Variants in ARSJ observed in about 807,000 individuals in gnomAD.
ARSJ encodes the protein arylsulfatase family member J.
A neutral mutation model predicts 35.9 loss-of-function variants in ARSJ; 26 were observed. That is an observed-to-expected ratio of 0.72 (90% CI 0.53 to 1.00). The LOEUF (loss-of-function observed/expected upper bound fraction) is 1.00, where lower values mean the gene tolerates loss of function less well. ARSJ is among the 50% of genes least tolerant of loss of function. The probability of loss-of-function intolerance (pLI) is 0.00; values close to 1 mark genes in which losing one functional copy is unlikely to be tolerated. For synonymous variants in ARSJ, 294 were observed against 267.6 expected (o/e 1.10, Z -0.96); for missense variants, 667 against 723.6 (o/e 0.92, Z 0.90).
intron 1 of ARSJ, among the ~76,000 whole-genome samples, chr4:113,944,994 A>G (rs1725385343): frequency 6.6e-6 from 1 of 152,078 alleles, no homozygotes; most frequent in Non-Finnish European, 1.5e-5. Flanking sequence ...TGACTTAAAT[A>G]AATAAAATAT....
In ARSJ at chr4:113,978,721, G is replaced by A; in HGVS notation, c.114C>T (p.Leu38=). ...CCCAGGACAGGTAACCATAAGTGAG[G>A]AGGCAGAGGATCCAGAATCCTGCCA... is the stretch of plus-strand genomic sequence containing the variant. The part of the protein sequence containing the change: ...GALAGFWILC[L]LTYGYLSWGQ... Residue 38 remains leucine, a synonymous_variant, in exon 1 of 2, where the codon CTC becomes CTT. Transcript: ENST00000315366. 1 of 1,614,212 alleles carries A rather than the reference G, an allele frequency of 6.2e-7. No homozygotes were observed.
intron 1 of ARSJ, among the ~76,000 whole-genome samples, chr4:113,974,533 A>G (rs939534481): frequency 2.0e-5 from 3 of 152,190 alleles, no homozygotes; most frequent in Admixed American, 2.0e-4. Context: ...TACTTCTTTA[A>G]AGGGGATATA....
chr4:113,950,335 C>G (rs529505381), intron 1 of ARSJ, among the ~76,000 whole-genome samples: 1 of 152,086 alleles, frequency 6.6e-6, no homozygotes, highest in Admixed American at 6.6e-5. Flanking sequence ...TCTGCTGCAA[C>G]CTCATCATTG....
intron 1 of ARSJ, among the ~76,000 whole-genome samples, chr4:113,934,288 T>G (rs1724635971): frequency 6.6e-6 from 1 of 151,764 alleles, no homozygotes; most frequent in Admixed American, 6.6e-5. Context: ...ACATCTGCAC[T>G]CCCATGTTTA....
rs75309186 is a variant in ARSJ, at chr4:113,978,265, T to C, written c.398+172A>G. Among the ~76,000 whole-genome samples the C allele has an allele frequency of 0.013, 2,045 of 152,316 alleles. 116 individuals are homozygous for C. In the East Asian group the frequency reaches 0.16, roughly 12 times the overall value. ...CTAGTGACTAGAAAATTAAGATCAT[T>C]AACATTGTATCCATTTTAACACGGT... On this transcript the variant is annotated intron_variant, in intron 1 of 1. Transcript: ENST00000315366.
chr4:113,949,874 A>G (rs1004227664), intron 1 of ARSJ, among the ~76,000 whole-genome samples: 5 of 152,108 alleles, frequency 3.3e-5, no homozygotes, highest in African/African-American at 1.2e-4. Context: ...ATGTCTTGGA[A>G]CACCCTTGAG....
chr4:113,903,716 AAG>A (rs2099667858), intron 1 of ARSJ, 41 bp from the exon 2 acceptor site: 1 of 1,538,044 alleles, frequency 6.5e-7, no homozygotes, highest in African/African-American at 1.4e-5. Flanking sequence ...GGCAGGATAA[AAG>A]AGATATTCTA....
At chr4:113,909,151 G>T (rs1440149194) in intron 1 of ARSJ, among the ~76,000 whole-genome samples, 1 of 152,024 alleles carries the variant, frequency 6.6e-6, no homozygotes, top group Non-Finnish European at 1.5e-5. Flanking sequence ...GAAAAAAAAA[G>T]AATTAGGAAT....
chr4:113,978,084 G>A (rs1343950087), intron 1 of ARSJ, among the ~76,000 whole-genome samples: 1 of 152,114 alleles, frequency 6.6e-6, no homozygotes, highest in Non-Finnish European at 1.5e-5. Context: ...GTGAATTCTA[G>A]TATGACATCT....
chr4:113,933,084 T>A (rs565436866), intron 1 of ARSJ, among the ~76,000 whole-genome samples: 1 of 151,770 alleles, frequency 6.6e-6, no homozygotes, highest in Non-Finnish European at 1.5e-5. Context: ...CAGACAACTT[T>A]ATGCCAACAA....
chr4:113,937,390 CAAAAT>C (rs950398455), intron 1 of ARSJ, among the ~76,000 whole-genome samples: 17 of 151,942 alleles, frequency 1.1e-4, no homozygotes, highest in Admixed American at 1.1e-3. Flanking sequence ...GAGCATAACT[CAAAAT>C]AATAAGAGCC....
intron 1 of ARSJ, among the ~76,000 whole-genome samples, chr4:113,905,270 A>T (rs751841233): frequency 1.3e-5 from 2 of 152,244 alleles, no homozygotes; most frequent in Non-Finnish European, 2.9e-5. Flanking sequence ...ATATGTAAAT[A>T]ATCTTGGAAT....
At chr4:113,953,574 G>A (rs1725991145) in intron 1 of ARSJ, among the ~76,000 whole-genome samples, 1 of 151,944 alleles carries the variant, frequency 6.6e-6, no homozygotes, top group African/African-American at 2.4e-5. Flanking sequence ...TTTCCAATAG[G>A]ATTTGAATTT....
chr4:113,939,328 G>C (rs1191893279), intron 1 of ARSJ, among the ~76,000 whole-genome samples: 2 of 148,168 alleles, frequency 1.3e-5, no homozygotes, highest in Non-Finnish European at 3.0e-5. Context: ...CATTTGGCTT[G>C]GTTCCAAGTC....
At position 113,964,472 on chromosome 4, in the gene ARSJ, T is replaced by A. The variant is rs114500428; in HGVS notation, c.398+13965A>T. ...CCTAAAATAAGAATATATAAACTTATTTTATGAGAGAACAGACATGCATTA... is the reference window on the plus strand; with the variant it reads ...CCTAAAATAAGAATATATAAACTTAATTTATGAGAGAACAGACATGCATTA... On this transcript the variant is annotated intron_variant, in intron 1 of 1. Coordinates refer to ENST00000315366, the MANE Select transcript of ARSJ (RefSeq NM_024590.4). 7.9e-3 allele frequency among the ~76,000 whole-genome samples: 1,204 copies of A among 152,210 alleles called. 20 individuals carry two copies. The highest frequency in any genetic ancestry group is 0.027 in the African/African-American group (1,142 of 41,540).
chr4:113,939,830 C>G (rs964917861), intron 1 of ARSJ, among the ~76,000 whole-genome samples: 1 of 151,906 alleles, frequency 6.6e-6, no homozygotes, highest in African/African-American at 2.4e-5. Flanking sequence ...AGCCCTTTGT[C>G]AGATGAGTAG....
intron 1 of ARSJ, among the ~76,000 whole-genome samples, chr4:113,963,144 T>A (rs900011172): frequency 6.6e-6 from 1 of 152,038 alleles, no homozygotes; most frequent in Admixed American, 6.6e-5. Flanking sequence ...TCTTAGAGCA[T>A]GTCACCCTCT....
Position 113,974,090 on chromosome 4 carries a change from G to A in ARSJ, c.398+4347C>T, listed in dbSNP as rs1305579092. Among the ~76,000 whole-genome samples, 5 of 151,890 alleles carry A rather than the reference G, an allele frequency of 3.3e-5. No individual in the cohort carries two copies. The East Asian group carries it at 9.6e-4, about 29-fold the overall frequency. On this transcript the variant is annotated intron_variant, in intron 1 of 1. Transcript: ENST00000315366. Reference sequence around the variant, plus strand: ...GTGTGGGTCAAATGGGTATACACATGGAAAAAATAATCTTGAACTCTCATT... The same window carrying A: ...GTGTGGGTCAAATGGGTATACACATAGAAAAAATAATCTTGAACTCTCATT...
chr4:113,969,214 C>G (rs1225187146), intron 1 of ARSJ, among the ~76,000 whole-genome samples: 1 of 152,126 alleles, frequency 6.6e-6, no homozygotes, highest in Non-Finnish European at 1.5e-5. Flanking sequence ...AACATGACAA[C>G]CAACAACAAC....
Sources: gnomAD v4.1 joint callset for allele counts (sites outside exome capture counted in the v4.1 genomes callset) on GRCh38, gnomAD v4.1.1 for gene constraint, MANE v1.5 for transcripts, NCBI Gene and HGNC (gene_info 2026-07-23, HGNC 2026-07-21) for gene names.